The following RCN3 variants were observed in gnomAD, a reference collection of about 807,000 sequenced individuals.
RCN3 encodes reticulocalbin 3, also known as reticulocalbin-3.
Under a neutral mutation model 35.9 loss-of-function variants are expected in RCN3, and 41 were observed. That is an observed-to-expected ratio of 1.14 (90% confidence interval 0.89 to 1.48). The LOEUF (loss-of-function observed/expected upper bound fraction) is 1.48. RCN3 is among the 40% of genes most tolerant of loss of function. The pLI is 0.00. For missense variants in RCN3, 451 were observed against 471.3 expected, an observed-to-expected ratio of 0.96 and a Z score of 0.40; for synonymous variants, 187 against 193.4, an observed-to-expected ratio of 0.97 and a Z score of 0.27.
intron 5 of RCN3, 122 bp from the exon 6 acceptor site, chr19:49,542,431 G>C (rs1226780260): frequency 1.6e-6 from 1 of 637,738 alleles, no homozygotes; most frequent in African/African-American, 1.8e-5. Flanking sequence ...GCTGAGGCGA[G>C]AGAGAGGGTA....
intron 2 of RCN3, among the ~76,000 whole-genome samples, chr19:49,532,863 A>G (rs2080115593): frequency 6.6e-6 from 1 of 151,716 alleles, no homozygotes; most frequent in Non-Finnish European, 1.5e-5. Context: ...TTTAGTAGAG[A>G]CAAGGTTTCA....
chr19:49,537,286 C>G (rs45450996), intron 4 of RCN3, 81 bp downstream of exon 4: 81 of 1,313,982 alleles, frequency 6.2e-5, no homozygotes, highest in Non-Finnish European at 8.1e-5. Flanking sequence ...TTCCCAGCAC[C>G]GACCTGGGGG....
chr19:49,528,704 G>A lies in RCN3; in HGVS notation c.232G>A (p.Ala78Thr). 2 of 1,593,310 alleles carry A rather than the reference G, an allele frequency of 1.3e-6. No homozygotes were observed. Among genetic ancestry groups the A allele is most frequent in the Non-Finnish European group, 8.6e-7 (1 of 1,169,102 alleles). The change falls in exon 2 of 7, where the codon GCC (alanine) becomes ACC (threonine). Residue 78 changes from alanine (A) to threonine (T), a missense_variant. Coordinates refer to ENST00000270645, the MANE Select transcript of RCN3 (RefSeq NM_020650.3). The part of the protein sequence containing the change: ...FDQLTPEESQ[A>T]RLGRIVDRMD... Reference sequence around the variant, plus strand: ...CCAACTCACCCCAGAGGAAAGCCAGGCCCGTCTGGGGTAAGAGAGACATTC... The same window carrying A: ...CCAACTCACCCCAGAGGAAAGCCAGACCCGTCTGGGGTAAGAGAGACATTC...
At chr19:49,534,082 G>A in intron 2 of RCN3, 111 bp from the exon 3 acceptor site, 1 of 1,112,984 alleles carries the variant, frequency 9.0e-7, no homozygotes, top group Non-Finnish European at 1.2e-6. Flanking sequence ...CGCGGACCGT[G>A]GACTGTATTT....
rs2080170109 is a variant in RCN3 at position 49,542,876 on chromosome 19, C to G, written c.879+124C>G. 4.1e-6 allele frequency: 4 copies of G among 982,772 alleles called. No homozygotes were observed. In the Admixed American group the frequency reaches 8.3e-5, roughly 20 times the overall value. 60.9% of individuals were successfully genotyped at this position (982,772 alleles called of 1,614,324 possible). A position where few individuals can be genotyped will look rare whatever the true frequency, so the allele number is the denominator to read the frequency against. On this transcript the variant is annotated intron_variant, in intron 6 of 6. Transcript: ENST00000270645. ...TTTAGGTGGGATAAAAAAAGAGGGA[C>G]AGAGAGAGGGAGGAAAAGAGAGGGC...
intron 5 of RCN3, 46 bp from the exon 6 acceptor site, chr19:49,542,507 C>T (rs1424144070): frequency 1.4e-6 from 2 of 1,436,688 alleles, no homozygotes; most frequent in African/African-American, 1.4e-5. Context: ...CTCCACTAGA[C>T]CCCCAGAGCT....
chr19:49,534,345 G>A lies in RCN3; in HGVS notation c.395G>A (p.Arg132His), dbSNP rs189275822. 23 of 1,529,488 alleles carry A rather than the reference G, an allele frequency of 1.5e-5. No individual in the cohort carries two copies. In the Admixed American group the frequency reaches 2.9e-4, roughly 20 times the overall value. 94.7% of individuals were successfully genotyped at this position (1,529,488 alleles called of 1,614,324 possible). ...WDTYDTDRDG[R>H]VGWEELRNAT... ...ACGTACGACACGGACCGCGACGGGC[G>A]TGTGGGTTGGGAGGAGCTGCGCAAC... The change falls in exon 3 of 7, where the codon CGT (arginine) becomes CAT (histidine). Residue 132 changes from arginine (R) to histidine (H), a missense_variant. Transcript: ENST00000270645.
chr19:49,541,104 A>G (rs968527266), intron 5 of RCN3, among the ~76,000 whole-genome samples: 15 of 151,778 alleles, frequency 9.9e-5, no homozygotes, highest in African/African-American at 3.6e-4. Flanking sequence ...CTAATTTTGT[A>G]TTTTTAGTAG....
rs1039334661 is a variant in RCN3 at position 49,534,325 on chromosome 19, C to A, written c.375C>A (p.Tyr125Ter). 2 of 1,514,726 alleles carry A rather than the reference C, an allele frequency of 1.3e-6. No individual in the cohort carries two copies. Among genetic ancestry groups the A allele is most frequent in the Non-Finnish European group, 1.8e-6 (2 of 1,133,460 alleles). 93.8% of individuals were successfully genotyped at this position (1,514,726 alleles called of 1,614,324 possible). A position where few individuals can be genotyped will look rare whatever the true frequency, so the allele number is the denominator to read the frequency against. ...CGGTGAGCGCGGCCTGGGACACGTACGACACGGACCGCGACGGGCGTGTGG... is the reference window on the plus strand; with the variant it reads ...CGGTGAGCGCGGCCTGGGACACGTAAGACACGGACCGCGACGGGCGTGTGG... ...RDSVSAAWDT[Y>*]DTDRDGRVGW... Residue 125 changes from tyrosine (Y) to a stop codon, truncating the protein, a stop_gained, in exon 3 of 7, where the codon TAC (tyrosine) becomes TAA (stop). Coordinates refer to ENST00000270645, the MANE Select transcript of RCN3 (RefSeq NM_020650.3). LOFTEE classifies it high-confidence loss of function.
chr19:49,530,718 C>T (rs2080104769), intron 2 of RCN3, among the ~76,000 whole-genome samples: 2 of 151,860 alleles, frequency 1.3e-5, no homozygotes, highest in Admixed American at 1.3e-4. Flanking sequence ...CTGGTATCGA[C>T]CTCCTGACCT....
Position 49,542,741 on chromosome 19 carries a change from G to A in RCN3, c.868G>A (p.Asp290Asn), listed in dbSNP as rs781005944. ...AGCCAACCACCTGCTGCACGAGAGC[G>A]ACACGGACAAGGTGCAGTGACGGGG... ...VEANHLLHESDTDKDGRLSKA... is the reference protein window; with the variant it reads ...VEANHLLHESNTDKDGRLSKA... Residue 290 changes from aspartate (D) to asparagine (N), a missense_variant, in exon 6 of 7, where the codon GAC becomes AAC. Asp to Asn is a conservative substitution (Grantham distance 23, BLOSUM62 1). Transcript: ENST00000270645. 18 of 1,587,788 alleles carry A rather than the reference G, an allele frequency of 1.1e-5. No individual in the cohort carries two copies. The highest frequency in any genetic ancestry group is 8.0e-5 in the African/African-American group (6 of 74,808).
intron 2 of RCN3, among the ~76,000 whole-genome samples, chr19:49,529,830 C>T (rs1168949594): frequency 1.3e-5 from 2 of 152,088 alleles, no homozygotes; most frequent in East Asian, 3.8e-4. Flanking sequence ...GATCTCGGCT[C>T]ACTGCAACCT....
chr19:49,537,022 T>C lies in RCN3; in HGVS notation c.446-11T>C, dbSNP rs1463645362. 6.6e-7 allele frequency: 1 copy of C among 1,519,752 alleles called. No individual in the cohort carries two copies. Among genetic ancestry groups the C allele is most frequent in the East Asian group, 2.4e-5 (1 of 41,602 alleles). 94.1% of individuals were successfully genotyped at this position (1,519,752 alleles called of 1,614,324 possible). ...TTAAAGCTCATCTCACTGAGACCTGTCCTTCCCCAGGTGAAGAATTTCATG... is the reference window on the plus strand; with the variant it reads ...TTAAAGCTCATCTCACTGAGACCTGCCCTTCCCCAGGTGAAGAATTTCATG... On this transcript the variant is annotated splice_polypyrimidine_tract_variant and intron_variant, in intron 3 of 6. Coordinates refer to ENST00000270645, the MANE Select transcript of RCN3 (RefSeq NM_020650.3).
intron 2 of RCN3, among the ~76,000 whole-genome samples, chr19:49,532,189 T>C (rs1352482751): frequency 7.2e-6 from 1 of 139,636 alleles, no homozygotes; most frequent in Non-Finnish European, 1.5e-5. Context: ...CACTGCAAGC[T>C]GCGCCTCCCA....
At position 49,542,766 on chromosome 19, in the gene RCN3, G is replaced by A. The variant is rs2080169522; in HGVS notation, c.879+14G>A. Reference sequence around the variant, plus strand: ...GACACGGACAAGGTGCAGTGACGGGGCCTCGGCAGGAGCGAGGAGCGGGTG... The same window carrying A: ...GACACGGACAAGGTGCAGTGACGGGACCTCGGCAGGAGCGAGGAGCGGGTG... On this transcript the variant is annotated intron_variant, in intron 6 of 6. Transcript: ENST00000270645. 1.3e-6 allele frequency: 2 copies of A among 1,569,026 alleles called. No individual in the cohort carries two copies. The highest frequency in any genetic ancestry group is 1.3e-5 in the African/African-American group (1 of 74,542).
At chr19:49,540,601 C>T (rs1229096239) in intron 5 of RCN3, among the ~76,000 whole-genome samples, 1 of 148,548 alleles carries the variant, frequency 6.7e-6, no homozygotes, top group East Asian at 2.0e-4. Context: ...GTCTGGGCAA[C>T]AAGAGCGAAA....
chr19:49,540,802 G>A (rs2080159448), intron 5 of RCN3, among the ~76,000 whole-genome samples: 1 of 151,874 alleles, frequency 6.6e-6, no homozygotes, highest in Non-Finnish European at 1.5e-5. Context: ...GTCACTTCTA[G>A]AGGGGTGAGG....
At chr19:49,536,598 G>C (rs1025441857) in intron 3 of RCN3, among the ~76,000 whole-genome samples, 1 of 150,596 alleles carries the variant, frequency 6.6e-6, no homozygotes, top group Non-Finnish European at 1.5e-5. Flanking sequence ...ACTGTGCCAG[G>C]CTTCTAAAAT....
Position 49,534,220 on chromosome 19 carries a change from G to T in RCN3, c.270G>T (p.Ala90=). 1 of 1,486,402 alleles carries T rather than the reference G, an allele frequency of 6.7e-7. No homozygotes were observed. Among genetic ancestry groups the T allele is most frequent in the Non-Finnish European group, 8.9e-7 (1 of 1,123,092 alleles). 92.1% of individuals were successfully genotyped at this position (1,486,402 alleles called of 1,614,324 possible). A position where few individuals can be genotyped will look rare whatever the true frequency, so the allele number is the denominator to read the frequency against. Residue 90 remains alanine, a synonymous_variant, in exon 3 of 7, where the codon GCG becomes GCT. Transcript: ENST00000270645. ...LGRIVDRMDR[A]GDGDGWVSLA... ...GGATCGTGGACCGCATGGACCGCGC[G>T]GGGGACGGCGACGGCTGGGTGTCGC...
Sources: gnomAD v4.1 joint callset for allele counts (sites outside exome capture counted in the v4.1 genomes callset) on GRCh38, gnomAD v4.1.1 for gene constraint, MANE v1.5 for transcripts, NCBI Gene and HGNC (gene_info 2026-07-23, HGNC 2026-07-21) for gene names.